The following CDH13 variants were observed in gnomAD, a reference collection of about 807,000 sequenced individuals.
CDH13 encodes the protein cadherin-13.
Under a neutral mutation model 63.8 loss-of-function variants are expected in CDH13, and 24 were observed. That is an observed-to-expected ratio of 0.38 (90% CI 0.27 to 0.53). The LOEUF is 0.53. Ranked by LOEUF, CDH13 falls within the 20% of genes least tolerant of loss-of-function variation. CDH13 has a pLI of 0.85. For synonymous variants in CDH13, 503 were observed against 355.3 expected (o/e 1.42, Z -4.67); for missense variants, 1,049 against 903.1 (o/e 1.16, Z -2.07).
At chr16:83,394,263 A>G (rs2091842601) in intron 6 of CDH13, among the ~76,000 whole-genome samples, 1 of 152,192 alleles carries the variant, frequency 6.6e-6, no homozygotes, top group African/African-American at 2.4e-5. Context: ...AAAAAAAACA[A>G]AAAAGAGTGA....
In CDH13 at chr16:83,032,195, A is replaced by G. The variant is rs764273398; in HGVS notation, c.343A>G (p.Lys115Glu). The G allele has an allele frequency of 5.6e-5, 91 of 1,613,294 alleles. 1 individual carries two copies. In the South Asian group the frequency reaches 9.8e-4, roughly 17 times the overall value. The change falls in exon 3 of 14, where the codon AAA (lysine) becomes GAA (glutamate). Residue 115 changes from lysine (K) to glutamate (E), a missense_variant. By Grantham distance (56) the Lys-to-Glu change is moderately conservative. Transcript: ENST00000567109. Reference protein sequence around the residue: ...DMAELVIVGGKDIQGSLQDIF... With the variant: ...DMAELVIVGGEDIQGSLQDIF... ...GGCAGAACTCGTGATTGTCGGGGGG[A>G]AAGACATCCAGGGCTCCTTGCAGGT... is the stretch of plus-strand genomic sequence containing the variant.
chr16:83,484,457 A>C (rs1232629395), intron 6 of CDH13, among the ~76,000 whole-genome samples: 1 of 152,256 alleles, frequency 6.6e-6, no homozygotes, highest in Non-Finnish European at 1.5e-5. Context: ...GTTAGGCAGG[A>C]TGCCCTAATC....
Position 83,312,066 on chromosome 16 carries a change from C to CAAA in CDH13, c.637-32778_637-32776dup, listed in dbSNP as rs5818437. On this transcript the variant is annotated intron_variant, in intron 5 of 13. Coordinates refer to ENST00000567109, the MANE Select transcript of CDH13 (RefSeq NM_001257.5). ...CAGCCTGGGCAATAAAACTCCATCT[C>CAAA]AAAAAAAAAAAAAAAAAAAAGAATC... Among the ~76,000 whole-genome samples the CAAA allele has an allele frequency of 2.9e-3, 278 of 94,866 alleles. 7 individuals are homozygous for CAAA. Among genetic ancestry groups the CAAA allele is most frequent in the African/African-American group, 0.01 (254 of 24,960 alleles). The allele number at this position is 94,866 out of a possible 152,430, so 62.2% of individuals were successfully genotyped here. A position where few individuals can be genotyped will look rare whatever the true frequency, so the allele number is the denominator to read the frequency against.
chr16:83,003,123 G>A (rs1913110994), intron 2 of CDH13, among the ~76,000 whole-genome samples: 2 of 152,160 alleles, frequency 1.3e-5, no homozygotes, highest in Admixed American at 6.5e-5. Flanking sequence ...ACACTGGAAT[G>A]ACTTATGTAA....
chr16:83,325,956 A>G (rs2090350428), intron 5 of CDH13, among the ~76,000 whole-genome samples: 1 of 152,186 alleles, frequency 6.6e-6, no homozygotes, highest in Non-Finnish European at 1.5e-5. Context: ...TGATATGCTC[A>G]GTAAATGCTA....
intron 2 of CDH13, among the ~76,000 whole-genome samples, chr16:82,939,152 A>G (rs1384861203): frequency 6.6e-6 from 1 of 152,196 alleles, no homozygotes; most frequent in African/African-American, 2.4e-5. Flanking sequence ...GGCTGGGTGC[A>G]GTGGCTCACG....
intron 2 of CDH13, among the ~76,000 whole-genome samples, chr16:83,010,018 C>A (rs760423260): frequency 1.9e-4 from 29 of 151,690 alleles, no homozygotes; most frequent in Non-Finnish European, 3.4e-4. Context: ...GCCTGTAATC[C>A]CAGCTACTCA....
chr16:83,080,287 T>A (rs536229741), intron 3 of CDH13, among the ~76,000 whole-genome samples: 1 of 152,324 alleles, frequency 6.6e-6, no homozygotes, highest in South Asian at 2.1e-4. Context: ...CCCAATTCGC[T>A]GAGACTAGGA....
chr16:83,472,924 A>C (rs1465993172), intron 6 of CDH13, among the ~76,000 whole-genome samples: 1 of 152,122 alleles, frequency 6.6e-6, no homozygotes, highest in African/African-American at 2.4e-5. Context: ...ATGGCTTGGA[A>C]GAGGTAATAC....
intron 3 of CDH13, among the ~76,000 whole-genome samples, chr16:83,061,544 G>A (rs7198146): frequency 0.63 from 95,260 of 152,010 alleles, 31,058 homozygotes; most frequent in East Asian, 0.84. Flanking sequence ...CCCATGGTGT[G>A]CTAGGGAAGA....
intron 1 of CDH13, among the ~76,000 whole-genome samples, chr16:82,817,176 C>T (rs900697042): frequency 6.6e-6 from 1 of 152,012 alleles, no homozygotes; most frequent in Admixed American, 6.5e-5. Context: ...CTTCGCCCCC[C>T]ACTGCAGGTA....
intron 1 of CDH13, among the ~76,000 whole-genome samples, chr16:82,655,246 T>C (rs959688747): frequency 5.1e-4 from 77 of 152,174 alleles, no homozygotes; most frequent in African/African-American, 1.7e-3. Context: ...TAAAGAAAAT[T>C]CATTAGTAAT....
chr16:82,652,373 C>G (rs992236887), intron 1 of CDH13, among the ~76,000 whole-genome samples: 3 of 152,180 alleles, frequency 2.0e-5, no homozygotes, highest in Admixed American at 6.5e-5. Context: ...ATGAGAAGAG[C>G]TTGGTTAAAT....
In CDH13 at chr16:83,216,415, T is replaced by TATATATATAC. The variant is rs1388937612; in HGVS notation, c.484-921_484-920insCATATATATA. On this transcript the variant is annotated intron_variant, in intron 4 of 13. Coordinates refer to ENST00000567109, the MANE Select transcript of CDH13 (RefSeq NM_001257.5). ...GCATTGAAATATATATATATATATA[T>TATATATATAC]ATATATATATATATATATATATATA... 2.4e-4 allele frequency among the ~76,000 whole-genome samples: 21 copies of TATATATATAC among 88,060 alleles called. 1 individual carries two copies. The highest frequency in any genetic ancestry group is 9.1e-5 in the Non-Finnish European group (4 of 43,912). 57.8% of individuals were successfully genotyped at this position (88,060 alleles called of 152,430 possible). A position where few individuals can be genotyped will look rare whatever the true frequency, so the allele number is the denominator to read the frequency against.
chr16:82,973,377 C>A (rs1477318892), intron 2 of CDH13, among the ~76,000 whole-genome samples: 2 of 152,178 alleles, frequency 1.3e-5, no homozygotes, highest in African/African-American at 4.8e-5. Flanking sequence ...GTTTGGGTGT[C>A]CTTAGAAATT....
intron 1 of CDH13, among the ~76,000 whole-genome samples, chr16:82,777,774 G>T (rs756369564): frequency 2.0e-5 from 3 of 152,154 alleles, no homozygotes; most frequent in Non-Finnish European, 4.4e-5. Context: ...GCTCATTCAT[G>T]GGATTGCTGG....
At chr16:82,879,597 T>C (rs1367074545) in intron 2 of CDH13, among the ~76,000 whole-genome samples, 2 of 141,720 alleles carry the variant, frequency 1.4e-5, no homozygotes, top group Admixed American at 7.2e-5. Context: ...ATTATATTTA[T>C]ATGTAATTGT....
chr16:83,482,548 A>C (rs75851283), intron 6 of CDH13, among the ~76,000 whole-genome samples: 3,469 of 152,290 alleles, frequency 0.023, 136 homozygotes, highest in African/African-American at 0.08. Context: ...CTCGGAACCA[A>C]TTTAGAGAAT....
At chr16:83,358,935 C>A (rs1490364445) in intron 6 of CDH13, among the ~76,000 whole-genome samples, 1 of 152,132 alleles carries the variant, frequency 6.6e-6, no homozygotes, top group Admixed American at 6.6e-5. Flanking sequence ...AGATCACAGT[C>A]TAGTACTAAT....
Sources: gnomAD v4.1 joint callset for allele counts (sites outside exome capture counted in the v4.1 genomes callset) on GRCh38, gnomAD v4.1.1 for gene constraint, MANE v1.5 for transcripts, NCBI Gene and HGNC (gene_info 2026-07-23, HGNC 2026-07-21) for gene names.